The following FEZ1 variants were observed in gnomAD, a reference collection of about 807,000 sequenced individuals.
The protein encoded by FEZ1 is fasciculation and elongation protein zeta-1.
A neutral mutation model predicts 49.3 loss-of-function variants in FEZ1; 20 were observed. The ratio of observed to expected loss-of-function variants is 0.41; its 90% CI spans 0.29 to 0.59. The LOEUF (loss-of-function observed/expected upper bound fraction) is 0.59, where lower values mean the gene tolerates loss of function less well. Among genes scored for constraint, FEZ1 ranks in the 20% least tolerant of loss-of-function variants. FEZ1 has a pLI of 0.36. For missense variants in FEZ1, 413 were observed against 476.0 expected (o/e 0.87, Z 1.23); for synonymous variants, 170 against 180.9 (o/e 0.94, Z 0.48).
chr11:125,481,605 T>G lies in FEZ1; in HGVS notation c.340A>C (p.Ile114Leu), dbSNP rs1957279999. The change falls in exon 3 of 10, where the codon ATC becomes CTC. Residue 114 changes from isoleucine to leucine, a missense_variant. Transcript: ENST00000278919. ...EVWDALTDNY[I>L]PSLSEDWRDP... ...CTCCAGTCTTCTGAGAGTGAAGGGA[T>G]GTAATTGTCTGTCAGAGCATCCCAA... The G allele has an allele frequency of 9.9e-6, 16 of 1,612,282 alleles. No homozygotes were observed. Among genetic ancestry groups the G allele is most frequent in the Non-Finnish European group, 1.4e-5 (16 of 1,178,688 alleles).
chr11:125,495,184 C>G lies in FEZ1; in HGVS notation c.-46+937G>C, dbSNP rs1957445988. On this transcript the variant is annotated intron_variant, in intron 1 of 9. Transcript: ENST00000278919. The surrounding 1 kb of genome is among the most constrained non-coding windows in gnomAD (Gnocchi z 4.2). ...CTCAGATCCCCCTCCTCCCCCCAGTCCGGTGGGGTAAAGAAAGCCTCCTCC... is the reference window on the plus strand; with the variant it reads ...CTCAGATCCCCCTCCTCCCCCCAGTGCGGTGGGGTAAAGAAAGCCTCCTCC... The G allele has an allele frequency of 2.8e-6, 1 of 358,494 alleles. No individual in the cohort carries two copies. The highest frequency in any genetic ancestry group is 3.9e-5 in the Admixed American group (1 of 25,378). 22.2% of individuals were successfully genotyped at this position (358,494 alleles called of 1,614,324 possible).
chr11:125,481,765 C>A, intron 2 of FEZ1, 132 bp from the exon 3 acceptor site: 2 of 711,474 alleles, frequency 2.8e-6, no homozygotes, highest in Non-Finnish European at 5.1e-6. Context: ...TTCCAGCATG[C>A]AGGGGCAAAG....
chr11:125,489,801 G>A lies in FEZ1; in HGVS notation c.-24C>T. 6.6e-7 allele frequency: 1 copy of A among 1,518,084 alleles called. No individual in the cohort carries two copies. Among genetic ancestry groups the A allele is most frequent in the Middle Eastern group, 1.8e-4 (1 of 5,622 alleles). 94.0% of individuals were successfully genotyped at this position (1,518,084 alleles called of 1,614,324 possible). A position where few individuals can be genotyped will look rare whatever the true frequency, so the allele number is the denominator to read the frequency against. ...ATTCTTGCTCAGCAGGAGAACAACA[G>A]CGACTTTCAGGATGAGTTTATCTAA... is the stretch of plus-strand genomic sequence containing the variant. On this transcript the variant is annotated 5_prime_UTR_variant, in exon 2 of 10. Coordinates refer to ENST00000278919, the MANE Select transcript of FEZ1 (RefSeq NM_005103.5). The surrounding 1 kb of genome is among the most constrained non-coding windows in gnomAD (Gnocchi z 4.2).
chr11:125,489,849 A>G lies in FEZ1; in HGVS notation c.-45-27T>C, dbSNP rs1378426902. ...TAAAAGAAATGAACAGCGTAATGTG[A>G]GTTTAGACCAGGCTAATCTAAATAA... On this transcript the variant is annotated intron_variant, in intron 1 of 9. Transcript: ENST00000278919. This position sits in a 1 kb window ranked among gnomAD's most constrained non-coding sequence, Gnocchi z 4.2. 1.3e-6 allele frequency: 2 copies of G among 1,493,622 alleles called. No individual in the cohort carries two copies. Among genetic ancestry groups the G allele is most frequent in the Non-Finnish European group, 1.8e-6 (2 of 1,121,840 alleles). 92.5% of individuals were successfully genotyped at this position (1,493,622 alleles called of 1,614,324 possible).
intron 3 of FEZ1, among the ~76,000 whole-genome samples, chr11:125,468,484 C>A (rs896525396): frequency 1.3e-5 from 2 of 152,120 alleles, no homozygotes; most frequent in Non-Finnish European, 2.9e-5. Context: ...GCCACCACAC[C>A]CAGCCCATAA....
intron 9 of FEZ1, among the ~76,000 whole-genome samples, chr11:125,446,798 C>A (rs781540269): frequency 6.6e-6 from 1 of 152,072 alleles, no homozygotes; most frequent in Non-Finnish European, 1.5e-5. Context: ...TCACCTCAGC[C>A]TCCTGAGTAG....
At chr11:125,458,824 T>A (rs1374802388) in intron 5 of FEZ1, among the ~76,000 whole-genome samples, 1 of 151,996 alleles carries the variant, frequency 6.6e-6, no homozygotes, top group Admixed American at 6.6e-5. Flanking sequence ...ATCCCAGCAC[T>A]TTGGGAGGCC....
chr11:125,456,130 C>T (rs2241514), intron 5 of FEZ1, 24 bp from the exon 6 acceptor site: 591,278 of 1,550,682 alleles, frequency 0.38, 115,208 homozygotes, highest in South Asian at 0.5. Flanking sequence ...CCGTCTCCCG[C>T]ATAACACCTG....
At chr11:125,471,876 G>A (rs904547894) in intron 3 of FEZ1, among the ~76,000 whole-genome samples, 1 of 152,010 alleles carries the variant, frequency 6.6e-6, no homozygotes, top group Non-Finnish European at 1.5e-5. Flanking sequence ...CCCTAAATCA[G>A]TCTGAACGTA....
At chr11:125,464,646 C>T (rs1380037366) in intron 3 of FEZ1, among the ~76,000 whole-genome samples, 2 of 152,228 alleles carry the variant, frequency 1.3e-5, no homozygotes, top group Non-Finnish European at 2.9e-5. Context: ...CTTCTGTGAG[C>T]TTTGCCTTGG....
At chr11:125,458,995 G>A (rs1957045881) in intron 5 of FEZ1, among the ~76,000 whole-genome samples, 1 of 152,166 alleles carries the variant, frequency 6.6e-6, no homozygotes, top group Admixed American at 6.5e-5. Context: ...GAACCTGGGA[G>A]GCGGAGGTTG....
chr11:125,463,993 G>C (rs144642086), intron 3 of FEZ1, among the ~76,000 whole-genome samples: 1 of 152,082 alleles, frequency 6.6e-6, no homozygotes, highest in African/African-American at 2.4e-5. Context: ...TCCAGATTTC[G>C]TCTTACTAGG....
At position 125,452,362 on chromosome 11, in the gene FEZ1, T is replaced by A. The variant is rs768252510; in HGVS notation, c.1068A>T (p.Ser356=). 3 of 1,613,218 alleles carry A rather than the reference T, an allele frequency of 1.9e-6. No individual in the cohort carries two copies. Among genetic ancestry groups the A allele is most frequent in the Admixed American group, 1.7e-5 (1 of 60,028 alleles). ...TTGTCAGCATCTGCAGGTCTTCCACTGAGGGAGGAGAGGCTTTCTTCTCGT... is the reference window on the plus strand; with the variant it reads ...TTGTCAGCATCTGCAGGTCTTCCACAGAGGGAGGAGAGGCTTTCTTCTCGT... The part of the protein sequence containing the change: ...IPYEKKASPP[S]VEDLQMLTNI... Residue 356 remains serine (S), a synonymous_variant, in exon 8 of 10, where the codon TCA becomes TCT. Transcript: ENST00000278919.
chr11:125,456,080 G>C lies in FEZ1; in HGVS notation c.694C>G (p.Leu232Val). 6.2e-7 allele frequency: 1 copy of C among 1,605,818 alleles called. No individual in the cohort carries two copies. The highest frequency in any genetic ancestry group is 8.5e-7 in the Non-Finnish European group (1 of 1,176,704). ...TCCACCTGGTCCAGCAGCTCGGTCAGCTCAGACCCAGACATGTGCCTCAGC... is the reference window on the plus strand; with the variant it reads ...TCCACCTGGTCCAGCAGCTCGGTCACCTCAGACCCAGACATGTGCCTCAGC... The part of the protein sequence containing the change: ...EGLRHMSGSE[L>V]TELLDQVEGA... The change falls in exon 6 of 10, where the codon CTG becomes GTG. Residue 232 changes from leucine (L) to valine (V), a missense_variant. Transcript: ENST00000278919.
intron 1 of FEZ1, 37 bp downstream of exon 1, chr11:125,496,084 G>T (rs1424546761): frequency 6.4e-6 from 1 of 155,118 alleles, no homozygotes; most frequent in Non-Finnish European, 1.4e-5. Context: ...CCAGCAGTGA[G>T]TCGGGTCCTA....
At chr11:125,484,925 C>T (rs1330832782) in intron 2 of FEZ1, among the ~76,000 whole-genome samples, 3 of 152,114 alleles carry the variant, frequency 2.0e-5, no homozygotes, top group African/African-American at 2.4e-5. Flanking sequence ...AAACAGCTTT[C>T]TGTGAGGAAG....
At chr11:125,473,082 T>C (rs1371505251) in intron 3 of FEZ1, among the ~76,000 whole-genome samples, 2 of 152,158 alleles carry the variant, frequency 1.3e-5, no homozygotes, top group Admixed American at 6.5e-5. Flanking sequence ...GGAGAACTTA[T>C]ATTACTTTAT....
intron 9 of FEZ1, among the ~76,000 whole-genome samples, chr11:125,447,713 T>C (rs1956910814): frequency 6.6e-6 from 1 of 151,968 alleles, no homozygotes; most frequent in South Asian, 2.1e-4. Flanking sequence ...TCCCAGCTAC[T>C]TAGGAGGCTG....
chr11:125,468,497 T>A (rs1479478136), intron 3 of FEZ1, among the ~76,000 whole-genome samples: 1 of 152,148 alleles, frequency 6.6e-6, no homozygotes, highest in Non-Finnish European at 1.5e-5. Flanking sequence ...GCCCATAACA[T>A]AATTTTTAAA....
Sources: gnomAD v4.1 joint callset for allele counts (sites outside exome capture counted in the v4.1 genomes callset) on GRCh38, gnomAD v4.1.1 for gene constraint, Gnocchi (gnomAD v3.1) non-coding constraint, MANE v1.5 for transcripts, NCBI Gene and HGNC (gene_info 2026-07-23, HGNC 2026-07-21) for gene names.